The following IFT122 variants were observed in gnomAD, a reference collection of about 807,000 sequenced individuals.
The protein encoded by IFT122 is intraflagellar transport protein 122 homolog.
A neutral mutation model predicts 161.6 loss-of-function variants in IFT122; 118 were observed. That is an observed-to-expected ratio of 0.73 (90% CI 0.63 to 0.85). IFT122 has a LOEUF of 0.85. Among genes scored for constraint, IFT122 ranks in the 40% least tolerant of loss-of-function variants. The pLI is 0.00. For synonymous variants in IFT122, 550 were observed against 602.4 expected (o/e 0.91, Z 1.27); for missense variants, 1,381 against 1,579.6 (o/e 0.87, Z 2.13).
At chr3:129,515,621 A>G in intron 26 of IFT122, 22 bp downstream of exon 26, 2 of 1,464,470 alleles carry the variant, frequency 1.4e-6, no homozygotes, top group Non-Finnish European at 1.9e-6. Flanking sequence ...CATCCTGAGC[A>G]TGTGGGTGGG....
intron 9 of IFT122, among the ~76,000 whole-genome samples, chr3:129,471,015 G>T (rs1577502134): frequency 6.6e-6 from 1 of 152,210 alleles, no homozygotes; most frequent in Non-Finnish European, 1.5e-5. Flanking sequence ...ATGGAGGGTG[G>T]ATTAAAATAT....
Position 129,476,161 on chromosome 3 carries a change from T to C in IFT122, c.817-154T>C, listed in dbSNP as rs1230648802. The stretch of plus-strand genomic sequence containing the variant: ...GGAGATGCAGAGGCAGAGAGGCCTG[T>C]GTTCACCATGGGATGACACAGGAGA... On this transcript the variant is annotated intron_variant, in intron 9 of 29. Transcript: ENST00000348417. 1.7e-5 allele frequency: 13 copies of C among 777,306 alleles called. 1 individual carries two copies. Among genetic ancestry groups the C allele is most frequent in the Admixed American group, 1.0e-4 (5 of 49,002 alleles). 48.2% of individuals were successfully genotyped at this position (777,306 alleles called of 1,614,324 possible). A position where few individuals can be genotyped will look rare whatever the true frequency, so the allele number is the denominator to read the frequency against.
At position 129,483,478 on chromosome 3, in the gene IFT122, T is replaced by C. The variant is rs369988069; in HGVS notation, c.1654-7T>C. The C allele has an allele frequency of 6.2e-6, 10 of 1,613,724 alleles. No homozygotes were observed. The African/African-American group carries it at 8.0e-5, about 13-fold the overall frequency. ...CTCACAGGATCCCCACTGTCCCTGT[T>C]CCCCAGGAACCAAACGCCAACAGTG... On this transcript the variant is annotated splice_region_variant and splice_polypyrimidine_tract_variant and intron_variant, in intron 14 of 29. Transcript: ENST00000348417.
chr3:129,508,946 T>C (rs908442009), intron 23 of IFT122, among the ~76,000 whole-genome samples: 43 of 152,366 alleles, frequency 2.8e-4, no homozygotes, highest in African/African-American at 9.6e-4. Flanking sequence ...CTGAGCATAC[T>C]TCTCAAATGT....
intron 17 of IFT122, among the ~76,000 whole-genome samples, chr3:129,492,806 CT>C (rs1173534468): frequency 4.3e-5 from 6 of 139,788 alleles, no homozygotes; most frequent in African/African-American, 1.4e-4. Flanking sequence ...CAACACTATG[CT>C]TTTTTTTTCT....
intron 4 of IFT122, among the ~76,000 whole-genome samples, chr3:129,459,918 C>T (rs2076045277): frequency 6.6e-6 from 1 of 151,692 alleles, no homozygotes; most frequent in Non-Finnish European, 1.5e-5. Context: ...CACACCAGGC[C>T]AATTTTTAAA....
intron 14 of IFT122, 24 bp from the exon 15 acceptor site, chr3:129,483,461 A>AT: frequency 6.2e-7 from 1 of 1,608,650 alleles, no homozygotes; most frequent in Non-Finnish European, 8.5e-7. Context: ...TTCTCACAGG[A>AT]TCCCCACTGT....
At chr3:129,512,734 T>G (rs2082980547) in intron 24 of IFT122, 3 of 413,690 alleles carry the variant, frequency 7.3e-6, no homozygotes, top group Admixed American at 3.8e-5. Flanking sequence ...GCCTTCAGGC[T>G]TGGAACCTTG....
intron 26 of IFT122, among the ~76,000 whole-genome samples, chr3:129,516,042 C>T (rs1295203782): frequency 1.3e-5 from 2 of 148,852 alleles, no homozygotes; most frequent in African/African-American, 5.0e-5. Context: ...CATACAGAAA[C>T]TGCCCCTGCA....
intron 3 of IFT122, among the ~76,000 whole-genome samples, chr3:129,454,486 A>C (rs1426204759): frequency 6.8e-6 from 1 of 146,586 alleles, no homozygotes; most frequent in Non-Finnish European, 1.5e-5. Flanking sequence ...CTTCATAGTC[A>C]GGTGTGCTGT....
chr3:129,481,446 G>A lies in IFT122; in HGVS notation c.1489-84G>A, dbSNP rs1305886772. ...AGGTGGTGGGAGTTGTTCTTGCAGA[G>A]CACATGGGATTCCAACGGCCTGGCA... On this transcript the variant is annotated intron_variant, in intron 13 of 29. Coordinates refer to ENST00000348417, the MANE Select transcript of IFT122 (RefSeq NM_052989.3). 1.7e-5 allele frequency: 21 copies of A among 1,269,740 alleles called. No homozygotes were observed. The Admixed American group carries it at 2.9e-4, about 18-fold the overall frequency. The allele number at this position is 1,269,740 out of a possible 1,614,324, so 78.7% of individuals were successfully genotyped here. A position where few individuals can be genotyped will look rare whatever the true frequency, so the allele number is the denominator to read the frequency against.
intron 8 of IFT122, among the ~76,000 whole-genome samples, chr3:129,468,752 T>C (rs561582437): frequency 6.6e-6 from 1 of 152,344 alleles, no homozygotes; most frequent in South Asian, 2.1e-4. Context: ...CTGATCCCCA[T>C]AGGTTCTCAG....
chr3:129,487,778 T>G (rs1045927062), intron 15 of IFT122: 14 of 260,274 alleles, frequency 5.4e-5, no homozygotes, highest in Middle Eastern at 1.4e-3. Context: ...GGCTTTGCTG[T>G]GGGAACAGGC....
intron 16 of IFT122, among the ~76,000 whole-genome samples, chr3:129,489,720 T>A (rs1456281250): frequency 6.6e-6 from 1 of 151,706 alleles, no homozygotes. Context: ...GCGCCTGTAG[T>A]CCCAGCTACT....
chr3:129,517,697 T>C, intron 27 of IFT122, 103 bp downstream of exon 27: 2 of 1,446,674 alleles, frequency 1.4e-6, no homozygotes, highest in Admixed American at 3.4e-5. Flanking sequence ...CGGGCCATGC[T>C]GAGCCTGGCC....
At position 129,476,731 on chromosome 3, in the gene IFT122, C is replaced by T. The variant is rs760427333; in HGVS notation, c.1077C>T (p.Tyr359=). The T allele has an allele frequency of 6.2e-7, 1 of 1,614,180 alleles. No individual in the cohort carries two copies. The highest frequency in any genetic ancestry group is 8.5e-7 in the Non-Finnish European group (1 of 1,180,032). ...QLIFSTVHGL[Y]KDRYAYRDSM... Reference sequence around the variant, plus strand: ...TTTTCAGCACAGTCCATGGGCTTTACAAGGACCGCTATGCCTACAGGGATA... The same window carrying T: ...TTTTCAGCACAGTCCATGGGCTTTATAAGGACCGCTATGCCTACAGGGATA... Residue 359 remains tyrosine (Y), a synonymous_variant, in exon 11 of 30, where the codon TAC becomes TAT. Coordinates refer to ENST00000348417, the MANE Select transcript of IFT122 (RefSeq NM_052989.3).
intron 2 of IFT122, among the ~76,000 whole-genome samples, chr3:129,451,301 T>C (rs2074817799): frequency 6.6e-6 from 1 of 152,014 alleles, no homozygotes; most frequent in Non-Finnish European, 1.5e-5. Flanking sequence ...ATTTTTATTT[T>C]TTGTAGAGAT....
rs752171223 is a variant in IFT122 at position 129,500,544 on chromosome 3, A to C, written c.2375+476A>C. On this transcript the variant is annotated intron_variant, in intron 19 of 29. Transcript: ENST00000348417. Reference sequence around the variant, plus strand: ...TACGCGTGTAATGGTAGGAACAAAAACAAAACAAGTTCCAAATCCATCAGG... The same window carrying C: ...TACGCGTGTAATGGTAGGAACAAAACCAAAACAAGTTCCAAATCCATCAGG... 6.6e-5 allele frequency among the ~76,000 whole-genome samples: 10 copies of C among 152,378 alleles called. No homozygotes were observed. In the East Asian group the frequency reaches 9.6e-4, roughly 15 times the overall value.
At chr3:129,485,561 C>T (rs1448903307) in intron 15 of IFT122, among the ~76,000 whole-genome samples, 1 of 152,254 alleles carries the variant, frequency 6.6e-6, no homozygotes, top group Non-Finnish European at 1.5e-5. Context: ...TCATCCTTGT[C>T]TGCCCCATTA....
Sources: allele counts gnomAD v4.1 joint callset (sites outside exome capture counted in the v4.1 genomes callset), GRCh38; gene constraint gnomAD v4.1.1; transcripts MANE v1.5; gene names NCBI Gene and HGNC (gene_info 2026-07-23, HGNC 2026-07-21).